The following CCDC33 variants were observed in gnomAD, a reference collection of about 807,000 sequenced individuals.
The protein encoded by CCDC33 is coiled-coil domain containing 33, also known as coiled-coil domain-containing protein 33.
CCDC33 carries 94 observed loss-of-function variants against 91.9 expected under a neutral mutation model. That is an observed-to-expected ratio of 1.02 (90% confidence interval 0.87 to 1.21). The LOEUF (loss-of-function observed/expected upper bound fraction) is 1.21, where lower values mean the gene tolerates loss of function less well. Ranked by LOEUF, CCDC33 falls within the 50% of genes most tolerant of loss-of-function variation. The probability of loss-of-function intolerance (pLI) is 0.00; values close to 1 mark genes in which losing one functional copy is unlikely to be tolerated. For missense variants in CCDC33, 940 were observed against 935.5 expected, an observed-to-expected ratio of 1.00 and a Z score of -0.06; for synonymous variants, 396 against 374.5, an observed-to-expected ratio of 1.06 and a Z score of -0.66.
intron 3 of CCDC33, among the ~76,000 whole-genome samples, chr15:74,262,780 T>C (rs1050728134): frequency 1.3e-5 from 2 of 152,194 alleles, no homozygotes; most frequent in Non-Finnish European, 2.9e-5. Flanking sequence ...TCCACATAAA[T>C]GAATTTTCCA....
chr15:74,238,330 C>A (rs1158071521), intron 1 of CCDC33, among the ~76,000 whole-genome samples: 3 of 151,690 alleles, frequency 2.0e-5, no homozygotes, highest in East Asian at 3.9e-4. Flanking sequence ...ATTGCTTGAA[C>A]CCAGGAGGCG....
At chr15:74,332,979 G>A in intron 16 of CCDC33, 134 bp downstream of exon 16, 1 of 1,064,072 alleles carries the variant, frequency 9.4e-7, no homozygotes, top group Non-Finnish European at 1.3e-6. Context: ...GGGGGCTCCT[G>A]GAATCAGCTC....
rs1257014763 is a variant in CCDC33 at position 74,243,977 on chromosome 15, C to T, written c.22-8C>T. ...AAAAAAAACACTCAGCCCTGGCTCT[C>T]CCCACAGAACACTGAAGACCCAGAG... On this transcript the variant is annotated splice_polypyrimidine_tract_variant and splice_region_variant and intron_variant, in intron 1 of 18. Coordinates refer to ENST00000398814, the MANE Select transcript of CCDC33 (RefSeq NM_025055.5). 6.2e-7 allele frequency: 1 copy of T among 1,601,784 alleles called. No homozygotes were observed. Among genetic ancestry groups the T allele is most frequent in the Non-Finnish European group, 8.5e-7 (1 of 1,175,874 alleles).
chr15:74,315,585 G>A (rs1008008481), intron 11 of CCDC33, among the ~76,000 whole-genome samples: 3 of 152,246 alleles, frequency 2.0e-5, no homozygotes, highest in Admixed American at 6.5e-5. Flanking sequence ...GTGAGCTCTT[G>A]TTACCTGCCT....
chr15:74,291,302 G>A (rs1478719851), intron 10 of CCDC33, among the ~76,000 whole-genome samples: 1 of 152,262 alleles, frequency 6.6e-6, no homozygotes, highest in African/African-American at 2.4e-5. Flanking sequence ...AAATGACAAA[G>A]CAGTGACTGA....
At chr15:74,270,155 C>G (rs1213553173) in intron 5 of CCDC33, among the ~76,000 whole-genome samples, 1 of 152,170 alleles carries the variant, frequency 6.6e-6, no homozygotes, top group African/African-American at 2.4e-5. Flanking sequence ...TTGTACGTGC[C>G]CATCAGCTCA....
At chr15:74,213,902 C>G (rs1360963548), upstream of CCDC33, among the ~76,000 whole-genome samples, 1 of 152,160 alleles carries the variant, frequency 6.6e-6, no homozygotes, top group African/African-American at 2.4e-5. Context: ...GTCAGGAGAT[C>G]AGAGGTCTAT....
intron 2 of CCDC33, among the ~76,000 whole-genome samples, chr15:74,249,320 A>G (rs978310932): frequency 1.3e-5 from 2 of 151,884 alleles, no homozygotes; most frequent in African/African-American, 4.8e-5. Flanking sequence ...CCCCGTCTCT[A>G]CTAAAAATAC....
At chr15:74,267,610 C>T (rs1294112241) in intron 4 of CCDC33, among the ~76,000 whole-genome samples, 1 of 152,122 alleles carries the variant, frequency 6.6e-6, no homozygotes, top group East Asian at 1.9e-4. Context: ...ATTCCCCTCC[C>T]CACTGTGCAT....
In CCDC33 at chr15:74,289,690, G is replaced by A. The variant is rs351198; in HGVS notation, c.1096-6064G>A. Among the ~76,000 whole-genome samples the A allele has an allele frequency of 4.1e-3, 629 of 152,306 alleles. 7 individuals carry two copies. The highest frequency in any genetic ancestry group is 0.013 in the African/African-American group (532 of 41,558). ...AGATGGTGCCACTTGGGGGTGCTGG[G>A]GCAGGAGGATTGCTTGAACTTGGGA... On this transcript the variant is annotated intron_variant, in intron 10 of 18. Coordinates refer to ENST00000398814, the MANE Select transcript of CCDC33 (RefSeq NM_025055.5).
rs142120320 is a variant in CCDC33 at position 74,295,791 on chromosome 15, C to T, written c.1133C>T (p.Ala378Val). ...TTCTTGACACCAAACAACAGCAAGG[C>T]TCTTCCTACCTTGGACCCCAAGATC... ...ENFLTPNNSK[A>V]LPTLDPKILD... Residue 378 changes from alanine (A) to valine (V), a missense_variant, in exon 11 of 19, where the codon GCT (alanine) becomes GTT (valine). Physicochemically the swap from Ala to Val is moderately conservative, Grantham distance 64. Coordinates refer to ENST00000398814, the MANE Select transcript of CCDC33 (RefSeq NM_025055.5). 6.0e-5 allele frequency: 97 copies of T among 1,613,928 alleles called. No homozygotes were observed. The African/African-American group carries it at 1.1e-3, about 18-fold the overall frequency.
chr15:74,226,783 A>T (rs146170684), intron 2 of CCDC33, among the ~76,000 whole-genome samples: 491 of 151,502 alleles, frequency 3.2e-3, no homozygotes, highest in African/African-American at 0.012. Context: ...AGCCAAGATC[A>T]CACCACTGCA....
rs2060087480 is a variant in CCDC33, at chr15:74,316,276, TC to T, written c.1291-13911del. 6.6e-6 allele frequency among the ~76,000 whole-genome samples: 1 copy of T among 152,114 alleles called. No homozygotes were observed. Among genetic ancestry groups the T allele is most frequent in the African/African-American group, 2.4e-5 (1 of 41,420 alleles). Reference sequence around the variant, plus strand: ...ATGTCCGGTGATGGGTCCCTGAGGGTCCGCTGGGGCGCCCCTCCAGCCTCCC... The same window carrying T: ...ATGTCCGGTGATGGGTCCCTGAGGGTCGCTGGGGCGCCCCTCCAGCCTCCC... On this transcript the variant is annotated intron_variant, in intron 11 of 18. Transcript: ENST00000398814. This position sits in a 1 kb window ranked among gnomAD's most constrained non-coding sequence, Gnocchi z 4.7.
chr15:74,315,157 G>A lies in CCDC33; in HGVS notation c.1291-15032G>A, dbSNP rs558531042. 7.9e-5 allele frequency among the ~76,000 whole-genome samples: 12 copies of A among 152,334 alleles called. No individual in the cohort carries two copies. In the East Asian group the frequency reaches 2.1e-3, roughly 27 times the overall value. ...TGGGCTCAGTGGAGGCCGTTGCAGG[G>A]GACCAGGGAGGCATCTGGACCTTCT... On this transcript the variant is annotated intron_variant, in intron 11 of 18. Transcript: ENST00000398814.
At chr15:74,213,861 C>T (rs938704229), upstream of CCDC33, among the ~76,000 whole-genome samples, 4 of 152,142 alleles carry the variant, frequency 2.6e-5, no homozygotes, top group Non-Finnish European at 5.9e-5. Flanking sequence ...CAGTGATGAT[C>T]GCATGATCAC....
At chr15:74,263,186 A>G (rs2076073973) in intron 3 of CCDC33, among the ~76,000 whole-genome samples, 1 of 152,138 alleles carries the variant, frequency 6.6e-6, no homozygotes, top group Admixed American at 6.5e-5. Flanking sequence ...GCACACTTAT[A>G]TTTACTTTCA....
chr15:74,272,988 C>T (rs2076361395), intron 7 of CCDC33, 97 bp downstream of exon 7: 10 of 1,489,230 alleles, frequency 6.7e-6, no homozygotes, highest in South Asian at 1.2e-5. Context: ...CCTTGACTAT[C>T]GAGTAAGAGT....
intron 10 of CCDC33, among the ~76,000 whole-genome samples, chr15:74,287,720 C>T (rs1411380417): frequency 1.3e-5 from 2 of 151,068 alleles, no homozygotes. Flanking sequence ...TACTGGGAGG[C>T]GGAGGTTGCA....
At chr15:74,284,825 C>A (rs377640149) in intron 10 of CCDC33, among the ~76,000 whole-genome samples, 6 of 152,224 alleles carry the variant, frequency 3.9e-5, no homozygotes, top group African/African-American at 1.4e-4. Context: ...CTTATTGTTG[C>A]GCCTAAGGTG....
Sources: gnomAD v4.1 joint callset for allele counts (sites outside exome capture counted in the v4.1 genomes callset) on GRCh38, gnomAD v4.1.1 for gene constraint, Gnocchi (gnomAD v3.1) non-coding constraint, MANE v1.5 for transcripts, NCBI Gene and HGNC (gene_info 2026-07-23, HGNC 2026-07-21) for gene names.